The following SYNDIG1 variants were observed in gnomAD, a reference collection of about 807,000 sequenced individuals.
SYNDIG1 encodes synapse differentiation-inducing gene protein 1.
Under a neutral mutation model 19.4 loss-of-function variants are expected in SYNDIG1, and 9 were observed. That is an observed-to-expected ratio of 0.46 (90% confidence interval 0.28 to 0.81). SYNDIG1 has a LOEUF of 0.81. Ranked by LOEUF, SYNDIG1 falls within the 30% of genes least tolerant of loss-of-function variation. SYNDIG1 has a pLI of 0.12. For synonymous variants in SYNDIG1, 141 were observed against 145.9 expected (o/e 0.97, Z 0.24); for missense variants, 311 against 343.3 (o/e 0.91, Z 0.74).
intron 1 of SYNDIG1, among the ~76,000 whole-genome samples, chr20:24,517,357 T>A (rs1399338156): frequency 6.6e-6 from 1 of 150,478 alleles, no homozygotes; most frequent in Non-Finnish European, 1.5e-5. Context: ...GGCTCACGCC[T>A]GTAATCCCAG....
intron 2 of SYNDIG1, among the ~76,000 whole-genome samples, chr20:24,544,976 G>C (rs1390940694): frequency 2.0e-5 from 3 of 152,206 alleles, no homozygotes; most frequent in African/African-American, 7.2e-5. Context: ...GGAGGAGGCA[G>C]GAGAAAGCAA....
rs779832895 is a variant in SYNDIG1, at chr20:24,543,076, G to A, written c.-22G>A. 9.4e-6 allele frequency: 15 copies of A among 1,601,848 alleles called. No homozygotes were observed. The highest frequency in any genetic ancestry group is 5.0e-5 in the Admixed American group (3 of 59,736). ...TACATTCCCAGCCCACCAGCCTGAC[G>A]CCCAGCCAGGGAGAGAGTACCATGG... On this transcript the variant is annotated 5_prime_UTR_variant, in exon 2 of 4. Transcript: ENST00000376862.
chr20:24,602,891 G>A lies in SYNDIG1; in HGVS notation c.618+17898G>A, dbSNP rs181533569. On this transcript the variant is annotated intron_variant, in intron 3 of 3. Transcript: ENST00000376862. ...CTACAAAATTGGAAGCTTGGTTGAA[G>A]GACCTAGATTATCTGTCACTTGAAT... Among the ~76,000 whole-genome samples, 169 of 152,256 alleles carry A rather than the reference G, an allele frequency of 1.1e-3. 1 individual carries two copies. The East Asian group carries it at 0.013, about 11-fold the overall frequency.
intron 1 of SYNDIG1, among the ~76,000 whole-genome samples, chr20:24,482,517 G>A (rs6049722): frequency 0.062 from 9,463 of 152,198 alleles, 930 homozygotes; most frequent in African/African-American, 0.21. Flanking sequence ...TGAATCTCTT[G>A]TCTTGAAAGT....
intron 3 of SYNDIG1, among the ~76,000 whole-genome samples, chr20:24,615,220 C>T (rs1016733381): frequency 6.6e-6 from 1 of 152,220 alleles, no homozygotes; most frequent in Non-Finnish European, 1.5e-5. Context: ...AGTCTTCTAA[C>T]GATCCTCACA....
intron 1 of SYNDIG1, among the ~76,000 whole-genome samples, chr20:24,479,765 G>A (rs1305381222): frequency 6.6e-6 from 1 of 152,182 alleles, no homozygotes; most frequent in Non-Finnish European, 1.5e-5. Context: ...CCAGGAGAGT[G>A]AGCTGTCTCA....
chr20:24,633,000 T>C (rs1223269963), intron 3 of SYNDIG1, among the ~76,000 whole-genome samples: 1 of 150,760 alleles, frequency 6.6e-6, no homozygotes, highest in Admixed American at 6.6e-5. Context: ...CAGGCTTTCA[T>C]ATCACAGAAT....
chr20:24,565,613 G>A (rs915719855), intron 2 of SYNDIG1, among the ~76,000 whole-genome samples: 1 of 152,222 alleles, frequency 6.6e-6, no homozygotes, highest in Non-Finnish European at 1.5e-5. Flanking sequence ...CACTAGGACA[G>A]ATTAGTCCAT....
At chr20:24,623,390 G>C (rs1341963226) in intron 3 of SYNDIG1, among the ~76,000 whole-genome samples, 1 of 152,092 alleles carries the variant, frequency 6.6e-6, no homozygotes, top group Non-Finnish European at 1.5e-5. Context: ...AAGTCTATAA[G>C]AAATAGCAAG....
At chr20:24,559,826 A>G (rs1203574466) in intron 2 of SYNDIG1, among the ~76,000 whole-genome samples, 3 of 152,120 alleles carry the variant, frequency 2.0e-5, no homozygotes, top group Non-Finnish European at 4.4e-5. Context: ...TCATATAAAT[A>G]AGACATCAGT....
chr20:24,532,974 G>T (rs2057292055), intron 1 of SYNDIG1, among the ~76,000 whole-genome samples: 1 of 152,182 alleles, frequency 6.6e-6, no homozygotes, highest in African/African-American at 2.4e-5. Context: ...GGGTTGGGGG[G>T]TCTGAGTCTT....
At chr20:24,568,954 C>A (rs1290319292) in intron 2 of SYNDIG1, among the ~76,000 whole-genome samples, 1 of 152,192 alleles carries the variant, frequency 6.6e-6, no homozygotes, top group Admixed American at 6.5e-5. Flanking sequence ...GTTCTGAAGG[C>A]CTGAGGGACT....
At chr20:24,593,486 C>T (rs910461516) in intron 3 of SYNDIG1, among the ~76,000 whole-genome samples, 6 of 152,030 alleles carry the variant, frequency 3.9e-5, no homozygotes, top group Admixed American at 1.3e-4. Flanking sequence ...GGGAATAGTG[C>T]TATGATGAAC....
intron 1 of SYNDIG1, among the ~76,000 whole-genome samples, chr20:24,534,882 A>T (rs541932286): frequency 2.3e-3 from 351 of 152,064 alleles, no homozygotes; most frequent in Non-Finnish European, 4.4e-3. Flanking sequence ...TGAGGGAGGG[A>T]GTTCTGTTTT....
intron 3 of SYNDIG1, among the ~76,000 whole-genome samples, chr20:24,631,744 A>G (rs1165838199): frequency 6.6e-6 from 1 of 152,202 alleles, no homozygotes; most frequent in African/African-American, 2.4e-5. Context: ...TTATATATAT[A>G]TACACACACA....
intron 1 of SYNDIG1, among the ~76,000 whole-genome samples, chr20:24,482,927 C>A (rs2055838705): frequency 6.6e-6 from 1 of 152,036 alleles, no homozygotes; most frequent in Non-Finnish European, 1.5e-5. Flanking sequence ...TGGTATGTAG[C>A]CATGAAGAGT....
intron 3 of SYNDIG1, among the ~76,000 whole-genome samples, chr20:24,602,830 G>C (rs1017140426): frequency 6.6e-6 from 1 of 152,178 alleles, no homozygotes; most frequent in Non-Finnish European, 1.5e-5. Context: ...TGTTTATACA[G>C]AGAATGTATT....
intron 1 of SYNDIG1, among the ~76,000 whole-genome samples, chr20:24,529,003 C>A (rs981680478): frequency 6.6e-6 from 1 of 152,130 alleles, no homozygotes; most frequent in Non-Finnish European, 1.5e-5. Context: ...GTTAGAAATT[C>A]TCAGAGATGA....
chr20:24,655,974 C>A (rs2147383464), intron 3 of SYNDIG1, among the ~76,000 whole-genome samples: 1 of 152,342 alleles, frequency 6.6e-6, no homozygotes, highest in South Asian at 2.1e-4. Context: ...AGGAGTCAGA[C>A]ACCATCGTGC....
Sources: gnomAD v4.1 joint callset for allele counts (sites outside exome capture counted in the v4.1 genomes callset) on GRCh38, gnomAD v4.1.1 for gene constraint, MANE v1.5 for transcripts, NCBI Gene and HGNC (gene_info 2026-07-23, HGNC 2026-07-21) for gene names.